NFAT5: variants seen among roughly 807,000 people sequenced by gnomAD.
NFAT5 encodes nuclear factor of activated T cells 5, also known as nuclear factor of activated T-cells 5.
Under a neutral mutation model 166.5 loss-of-function variants are expected in NFAT5, and 31 were observed. The ratio of observed to expected loss-of-function variants is 0.19; its 90% CI spans 0.14 to 0.25. The LOEUF (loss-of-function observed/expected upper bound fraction) is 0.25. Among genes scored for constraint, NFAT5 ranks in the 10% least tolerant of loss-of-function variants. The pLI, the probability that NFAT5 is intolerant of heterozygous loss-of-function variation, is 1.00. For missense variants in NFAT5, 1,449 were observed against 1,821.8 expected, an observed-to-expected ratio of 0.80 and a Z score of 3.72; for synonymous variants, 612 against 639.7, an observed-to-expected ratio of 0.96 and a Z score of 0.65.
chr16:69,667,761 A>T (rs2036460019), intron 7 of NFAT5, among the ~76,000 whole-genome samples: 1 of 152,186 alleles, frequency 6.6e-6, no homozygotes, highest in Non-Finnish European at 1.5e-5. Context: ...TTTTAACAAG[A>T]TATACCATAT....
At chr16:69,623,010 TG>T (rs1243403435) in intron 2 of NFAT5, among the ~76,000 whole-genome samples, 2 of 152,128 alleles carry the variant, frequency 1.3e-5, no homozygotes, top group Middle Eastern at 3.4e-3. Context: ...CCAGGCATAG[TG>T]GTGTATGCCT....
intron 6 of NFAT5, 28 bp from the exon 7 acceptor site, chr16:69,659,699 C>A: frequency 6.7e-7 from 1 of 1,501,648 alleles, no homozygotes; most frequent in South Asian, 1.4e-5. Context: ...AACAAAATGT[C>A]CCTTTATATA....
At chr16:69,594,366 C>T (rs1275277195) in intron 2 of NFAT5, among the ~76,000 whole-genome samples, 1 of 152,172 alleles carries the variant, frequency 6.6e-6, no homozygotes, top group African/African-American at 2.4e-5. Flanking sequence ...CGTGGCATGA[C>T]ATCACTAGGA....
intron 11 of NFAT5, among the ~76,000 whole-genome samples, chr16:69,686,772 A>G (rs2037323177): frequency 6.6e-6 from 1 of 152,014 alleles, no homozygotes; most frequent in Non-Finnish European, 1.5e-5. Flanking sequence ...ATTGGGCAGA[A>G]GAATTGCTTG....
rs1048157950 is a variant in NFAT5 at position 69,700,879 on chromosome 16, G to C, written c.*4528G>C. ...TTGTAGAGATAATGCTCATAATGCA[G>C]TAAATATCAGAATAATATCTACAAT... On this transcript the variant is annotated 3_prime_UTR_variant, in exon 15 of 15. Coordinates refer to ENST00000349945, the MANE Select transcript of NFAT5 (RefSeq NM_138713.4). 1 of 151,918 alleles carries C rather than the reference G, an allele frequency of 6.6e-6. No homozygotes were observed. The highest frequency in any genetic ancestry group is 1.5e-5 in the Non-Finnish European group (1 of 67,986). 9.4% of individuals were successfully genotyped at this position (151,918 alleles called of 1,614,324 possible).
At chr16:69,596,697 G>A (rs938066530) in intron 2 of NFAT5, among the ~76,000 whole-genome samples, 2 of 147,264 alleles carry the variant, frequency 1.4e-5, no homozygotes, top group East Asian at 2.0e-4. Context: ...TAGCCTGGGC[G>A]ACAGAGCAAG....
intron 2 of NFAT5, among the ~76,000 whole-genome samples, chr16:69,569,855 A>G (rs2016332410): frequency 6.6e-6 from 1 of 152,228 alleles, no homozygotes; most frequent in Non-Finnish European, 1.5e-5. Context: ...AAAATCAAAT[A>G]TTTTTAAAAC....
intron 2 of NFAT5, among the ~76,000 whole-genome samples, chr16:69,610,059 G>T (rs1333228530): frequency 5.3e-5 from 8 of 151,668 alleles, no homozygotes; most frequent in Non-Finnish European, 2.9e-5. Context: ...TTCAGTGTTG[G>T]GTCAAAGAAG....
rs768744879 is a variant in NFAT5, at chr16:69,647,476, T to C, written c.702T>C (p.Asp234=). The change falls in exon 4 of 15, where the codon GAT becomes GAC. Residue 234 remains aspartate, a synonymous_variant. Transcript: ENST00000349945. The surrounding 1 kb of genome is among the most constrained non-coding windows in gnomAD (Gnocchi z 4.8). ...AGAGGCCGGGGGTCAAACGACGAGA[T>C]TGTGAAGAATCTAATATGGATATAT... ...PKQRPGVKRR[D]CEESNMDIFD... 6 of 1,613,394 alleles carry C rather than the reference T, an allele frequency of 3.7e-6. No individual in the cohort carries two copies. The South Asian group carries it at 5.5e-5, about 15-fold the overall frequency.
intron 9 of NFAT5, among the ~76,000 whole-genome samples, chr16:69,672,890 T>C (rs1016024694): frequency 7.9e-5 from 12 of 152,190 alleles, no homozygotes; most frequent in African/African-American, 2.2e-4. Flanking sequence ...TTTCTGGAGA[T>C]TGAGAGACTT....
At chr16:69,680,397 C>T (rs1311342663) in intron 10 of NFAT5, among the ~76,000 whole-genome samples, 1 of 152,136 alleles carries the variant, frequency 6.6e-6, no homozygotes, top group Non-Finnish European at 1.5e-5. Context: ...TATGAGACTT[C>T]AGGACTTTGA....
chr16:69,609,427 A>G (rs750760065), intron 2 of NFAT5, among the ~76,000 whole-genome samples: 9 of 152,208 alleles, frequency 5.9e-5, no homozygotes, highest in East Asian at 1.9e-4. Context: ...AAAAATATAC[A>G]TATGTCTACA....
At chr16:69,616,152 T>A (rs2033934011) in intron 2 of NFAT5, among the ~76,000 whole-genome samples, 1 of 152,078 alleles carries the variant, frequency 6.6e-6, no homozygotes, top group African/African-American at 2.4e-5. Flanking sequence ...AGTCTTCTAC[T>A]TTCCCACCGT....
Position 69,691,934 on chromosome 16 carries a change from G to A in NFAT5, c.2109G>A (p.Gln703=), listed in dbSNP as rs1174271921. ...LTTIQTQDIS[Q]PGTFPAVSAS... The stretch of plus-strand genomic sequence containing the variant: ...CTATTCAAACCCAGGACATCTCACA[G>A]CCTGGTACTTTTCCAGCAGTTTCTG... Residue 703 remains glutamine (Q), a synonymous_variant, in exon 13 of 15, where the codon CAG becomes CAA. Transcript: ENST00000349945. 1 of 1,614,120 alleles carries A rather than the reference G, an allele frequency of 6.2e-7. No individual in the cohort carries two copies. The highest frequency in any genetic ancestry group is 8.5e-7 in the Non-Finnish European group (1 of 1,180,026).
intron 2 of NFAT5, among the ~76,000 whole-genome samples, chr16:69,574,162 C>T (rs762764740): frequency 6.6e-6 from 1 of 152,068 alleles, no homozygotes; most frequent in Non-Finnish European, 1.5e-5. Flanking sequence ...TGAGCCACTG[C>T]GCCCGGCCAA....
chr16:69,693,025 G>A lies in NFAT5; in HGVS notation c.3200G>A (p.Gly1067Glu), dbSNP rs750268591. The A allele has an allele frequency of 2.5e-6, 4 of 1,613,986 alleles. No individual in the cohort carries two copies. The highest frequency in any genetic ancestry group is 3.4e-6 in the Non-Finnish European group (4 of 1,180,024). Reference sequence around the variant, plus strand: ...CAAGGTAATGGTTTATTCCAGCAAGGGAATGAGATGATGTCACTTCAATCT... The same window carrying A: ...CAAGGTAATGGTTTATTCCAGCAAGAGAATGAGATGATGTCACTTCAATCT... ...QQQGNGLFQQ[G>E]NEMMSLQSGN... The change falls in exon 13 of 15, where the codon GGG (glycine) becomes GAG (glutamate). Residue 1067 changes from glycine (G) to glutamate (E), a missense_variant. By Grantham distance (98) the Gly-to-Glu change is moderately conservative. This residue lies in a region of NFAT5 where 891 missense variants were observed against 993.0 expected (regional missense o/e 0.90). Coordinates refer to ENST00000349945, the MANE Select transcript of NFAT5 (RefSeq NM_138713.4).
Position 69,697,665 on chromosome 16 carries a change from C to T in NFAT5, c.*1314C>T, listed in dbSNP as rs984977280. 38 of 152,536 alleles carry T rather than the reference C, an allele frequency of 2.5e-4. No homozygotes were observed. The highest frequency in any genetic ancestry group is 2.9e-5 in the Non-Finnish European group (2 of 68,036). 9.4% of individuals were successfully genotyped at this position (152,536 alleles called of 1,614,324 possible). On this transcript the variant is annotated 3_prime_UTR_variant, in exon 15 of 15. Transcript: ENST00000349945. ...GTTACATCTATAAAGAGCAAAATAACACACTCCAGAACTTGGCAGTTGTAG... is the reference window on the plus strand; with the variant it reads ...GTTACATCTATAAAGAGCAAAATAATACACTCCAGAACTTGGCAGTTGTAG...
chr16:69,655,594 G>A lies in NFAT5; in HGVS notation c.1006-15G>A. 2 of 1,539,990 alleles carry A rather than the reference G, an allele frequency of 1.3e-6. No individual in the cohort carries two copies. The highest frequency in any genetic ancestry group is 1.8e-6 in the Non-Finnish European group (2 of 1,140,322). ...ATACTAATTAGTGTTTCTGTTGCAT[G>A]TTTTCTGGTTTCAGCTGGAAGGCCA... On this transcript the variant is annotated splice_polypyrimidine_tract_variant and intron_variant, in intron 5 of 14. Coordinates refer to ENST00000349945, the MANE Select transcript of NFAT5 (RefSeq NM_138713.4).
chr16:69,608,162 C>G (rs946429274), intron 2 of NFAT5, among the ~76,000 whole-genome samples: 11 of 150,596 alleles, frequency 7.3e-5, no homozygotes, highest in Non-Finnish European at 1.3e-4. Context: ...CGAGACCAGG[C>G]TGGCCAAGAT....
Sources: allele counts gnomAD v4.1 joint callset (sites outside exome capture counted in the v4.1 genomes callset), GRCh38; gene constraint gnomAD v4.1.1; regional missense constraint gnomAD v4.1.1; non-coding constraint Gnocchi (gnomAD v3.1); transcripts MANE v1.5; gene names NCBI Gene and HGNC (gene_info 2026-07-23, HGNC 2026-07-21).